The following USP13 variants were observed in gnomAD, a reference collection of about 807,000 sequenced individuals.
The protein encoded by USP13 is ubiquitin specific peptidase 13.
A neutral mutation model predicts 107.8 loss-of-function variants in USP13; 68 were observed. The ratio of observed to expected loss-of-function variants is 0.63; its 90% confidence interval spans 0.52 to 0.77. USP13 has a LOEUF of 0.77. USP13 is among the 30% of genes least tolerant of loss of function. The pLI is 0.00. For missense variants in USP13, 945 were observed against 1,093.3 expected (o/e 0.86, Z 1.91); for synonymous variants, 377 against 389.5 (o/e 0.97, Z 0.38).
chr3:179,694,460 T>A (rs568789395), intron 3 of USP13, among the ~76,000 whole-genome samples: 2 of 152,036 alleles, frequency 1.3e-5, no homozygotes, highest in South Asian at 4.2e-4. Flanking sequence ...CGGTCCAAAA[T>A]GGCTACTGGA....
chr3:179,657,070 G>A (rs953611339), intron 1 of USP13, among the ~76,000 whole-genome samples: 3 of 152,186 alleles, frequency 2.0e-5, no homozygotes, highest in Admixed American at 2.0e-4. Context: ...TCCTATCTCC[G>A]TCACTCAGTG....
At chr3:179,700,349 G>A (rs1210966598) in intron 3 of USP13, among the ~76,000 whole-genome samples, 13 of 152,110 alleles carry the variant, frequency 8.5e-5, no homozygotes, top group Admixed American at 8.5e-4. Flanking sequence ...GGGAGATTTT[G>A]TTTTTAAATA....
At chr3:179,688,418 C>A (rs1711973339) in intron 2 of USP13, among the ~76,000 whole-genome samples, 1 of 152,204 alleles carries the variant, frequency 6.6e-6, no homozygotes. Context: ...ATATATGCTC[C>A]CCTACTATGC....
At chr3:179,769,201 A>G (rs1036376446) in intron 19 of USP13, among the ~76,000 whole-genome samples, 1 of 152,196 alleles carries the variant, frequency 6.6e-6, no homozygotes, top group African/African-American at 2.4e-5. Flanking sequence ...GGCTATGATT[A>G]GCCTGTGAGT....
chr3:179,668,178 T>G (rs1391195671), intron 1 of USP13, among the ~76,000 whole-genome samples: 1 of 152,184 alleles, frequency 6.6e-6, no homozygotes, highest in Admixed American at 6.5e-5. Context: ...ATTTATATTT[T>G]TTTTAGAGAT....
chr3:179,657,478 C>T (rs1024024754), intron 1 of USP13, among the ~76,000 whole-genome samples: 6 of 151,860 alleles, frequency 4.0e-5, no homozygotes, highest in Non-Finnish European at 8.8e-5. Flanking sequence ...AATAGTCAGT[C>T]ATGGCCGGGT....
At position 179,765,856 on chromosome 3, in the gene USP13, C is replaced by T; in HGVS notation, c.2413+8C>T. The T allele has an allele frequency of 6.2e-7, 1 of 1,613,340 alleles. No individual in the cohort carries two copies. Among genetic ancestry groups the T allele is most frequent in the South Asian group, 1.1e-5 (1 of 90,884 alleles). On this transcript the variant is annotated splice_region_variant and intron_variant, in intron 19 of 20. Coordinates refer to ENST00000263966, the MANE Select transcript of USP13 (RefSeq NM_003940.3). The stretch of plus-strand genomic sequence containing the variant: ...TCAAGGATGGATCTGGAAGTAAGTT[C>T]TTGCCTTAGAGGCTGTCTGAGCAGT...
intron 6 of USP13, among the ~76,000 whole-genome samples, chr3:179,716,503 T>G (rs1713117499): frequency 6.6e-6 from 1 of 152,218 alleles, no homozygotes; most frequent in African/African-American, 2.4e-5. Flanking sequence ...TATTTGGTAT[T>G]TAGTTAATAT....
In USP13 at chr3:179,721,992, G is replaced by A. The variant is rs1369365224; in HGVS notation, c.1088+403G>A. The stretch of plus-strand genomic sequence containing the variant: ...GCTGAGGCAGGATCACTTGAACTCA[G>A]GAGGCAGAGGTTGCAGTGAGCCAAG... On this transcript the variant is annotated intron_variant, in intron 8 of 20. Transcript: ENST00000263966. This position sits in a 1 kb window ranked among gnomAD's most constrained non-coding sequence, Gnocchi z 4.3. Among the ~76,000 whole-genome samples the A allele has an allele frequency of 6.6e-6, 1 of 151,384 alleles. No individual in the cohort carries two copies. Among genetic ancestry groups the A allele is most frequent in the African/African-American group, 2.4e-5 (1 of 41,098 alleles).
chr3:179,655,548 G>GTTTTTTTTTTTTTTTTTTTTTTTTT (rs150977876), intron 1 of USP13, among the ~76,000 whole-genome samples: 12 of 131,426 alleles, frequency 9.1e-5, no homozygotes, highest in South Asian at 2.4e-4. Flanking sequence ...TAATGGGAAG[G>GTTTTTTTTTTTTTTTTTTTTTTTTT]TTTTTTTTGT....
At position 179,701,698 on chromosome 3, in the gene USP13, G is replaced by C. The variant is rs776183301; in HGVS notation, c.477+569G>C. Among the ~76,000 whole-genome samples, 11 of 152,306 alleles carry C rather than the reference G, an allele frequency of 7.2e-5. 1 individual carries two copies. The Middle Eastern group carries it at 0.014, about 188-fold the overall frequency. On this transcript the variant is annotated intron_variant, in intron 4 of 20. Transcript: ENST00000263966. ...TTCTTTTCAGTTTTACTCCCTATGT[G>C]AACTAAGACTACTTCCTAGGTTTTA... is the stretch of plus-strand genomic sequence containing the variant.
At chr3:179,752,813 G>A (rs77819718) in intron 14 of USP13, among the ~76,000 whole-genome samples, 319 of 152,344 alleles carry the variant, frequency 2.1e-3, no homozygotes, top group Middle Eastern at 0.014. Context: ...AGTGGTTGAA[G>A]ATGCAGTCTC....
At chr3:179,709,942 G>A (rs546979595) in intron 6 of USP13, among the ~76,000 whole-genome samples, 2 of 152,016 alleles carry the variant, frequency 1.3e-5, no homozygotes, top group South Asian at 2.1e-4. Context: ...TAAATAAGGG[G>A]ACATGGCTCA....
At chr3:179,765,976 C>A in intron 19 of USP13, 128 bp downstream of exon 19, 4 of 888,092 alleles carry the variant, frequency 4.5e-6, no homozygotes, top group East Asian at 3.1e-5. Context: ...CCATCTTCTT[C>A]GTTTTTTTTT....
intron 19 of USP13, among the ~76,000 whole-genome samples, chr3:179,769,483 T>C (rs1576990316): frequency 6.6e-6 from 1 of 152,168 alleles, no homozygotes; most frequent in East Asian, 1.9e-4. Flanking sequence ...TCTTGGCTCA[T>C]TGCAGCCTTT....
chr3:179,666,109 G>C (rs535390189), intron 1 of USP13, among the ~76,000 whole-genome samples: 1 of 152,260 alleles, frequency 6.6e-6, no homozygotes, highest in East Asian at 1.9e-4. Flanking sequence ...AGATTCCTGG[G>C]GAGACTGGAA....
intron 1 of USP13, among the ~76,000 whole-genome samples, chr3:179,675,900 G>A (rs1170632336): frequency 6.6e-6 from 1 of 152,044 alleles, no homozygotes. Flanking sequence ...TTTAAAAAAA[G>A]TTTTATTTTG....
At chr3:179,754,639 C>G (rs1318685326) in intron 14 of USP13, 93 bp from the exon 15 acceptor site, 3 of 1,402,122 alleles carry the variant, frequency 2.1e-6, no homozygotes, top group East Asian at 5.2e-5. Context: ...TCCCTTAGCT[C>G]TGTCTAGACA....
At position 179,719,935 on chromosome 3, in the gene USP13, G is replaced by A. The variant is rs764521644; in HGVS notation, c.806-5G>A. The A allele has an allele frequency of 7.4e-6, 12 of 1,611,912 alleles. No individual in the cohort carries two copies. The highest frequency in any genetic ancestry group is 1.7e-5 in the Admixed American group (1 of 59,856). On this transcript the variant is annotated splice_region_variant and splice_polypyrimidine_tract_variant and intron_variant, in intron 6 of 20. Coordinates refer to ENST00000263966, the MANE Select transcript of USP13 (RefSeq NM_003940.3). ...TGCAGTGCTTATTTTCTCTTCATCC[G>A]CTAGATGTTTATTCTTTTCAAGAAG... is the stretch of plus-strand genomic sequence containing the variant.
Sources: allele counts gnomAD v4.1 joint callset (sites outside exome capture counted in the v4.1 genomes callset), GRCh38; gene constraint gnomAD v4.1.1; non-coding constraint Gnocchi (gnomAD v3.1); transcripts MANE v1.5; gene names NCBI Gene and HGNC (gene_info 2026-07-23, HGNC 2026-07-21).